The following SLC16A12 variants were observed in gnomAD, a reference collection of about 807,000 sequenced individuals.
The protein encoded by SLC16A12 is solute carrier family 16 member 12, also known as monocarboxylate transporter 12.
A neutral mutation model predicts 42.4 loss-of-function variants in SLC16A12; 17 were observed. The ratio of observed to expected loss-of-function variants is 0.40; its 90% CI spans 0.27 to 0.60. The LOEUF is 0.60. SLC16A12 is among the 20% of genes least tolerant of loss of function. The pLI is 0.42. For synonymous variants in SLC16A12, 224 were observed against 229.4 expected (o/e 0.98, Z 0.21); for missense variants, 544 against 623.0 (o/e 0.87, Z 1.35).
intron 4 of SLC16A12, among the ~76,000 whole-genome samples, chr10:89,441,501 T>C (rs545848256): frequency 7.9e-5 from 12 of 152,340 alleles, no homozygotes; most frequent in Admixed American, 1.3e-4. Flanking sequence ...TTCATTCTAT[T>C]ATAGTCATAA....
intron 2 of SLC16A12, among the ~76,000 whole-genome samples, chr10:89,520,152 CA>C (rs1364657046): frequency 6.6e-6 from 1 of 151,968 alleles, no homozygotes; most frequent in Admixed American, 6.6e-5. Context: ...GCATATTTCT[CA>C]AATAGCACTA....
intron 2 of SLC16A12, among the ~76,000 whole-genome samples, chr10:89,476,922 G>T (rs925195565): frequency 6.6e-6 from 1 of 152,202 alleles, no homozygotes; most frequent in Non-Finnish European, 1.5e-5. Context: ...CATTCCACAG[G>T]CCTGTAGAGA....
chr10:89,469,143 C>A (rs1268449044), intron 2 of SLC16A12, among the ~76,000 whole-genome samples: 1 of 152,148 alleles, frequency 6.6e-6, no homozygotes. Flanking sequence ...TCTTGCAACT[C>A]TTCATTTTAC....
At chr10:89,491,964 T>G (rs1055175162) in intron 2 of SLC16A12, among the ~76,000 whole-genome samples, 2 of 152,162 alleles carry the variant, frequency 1.3e-5, no homozygotes, top group Non-Finnish European at 2.9e-5. Context: ...TAAAAAAAAG[T>G]ATGCAAGTCA....
chr10:89,449,269 T>C (rs1163172641), intron 3 of SLC16A12, among the ~76,000 whole-genome samples: 1 of 152,180 alleles, frequency 6.6e-6, no homozygotes, highest in Non-Finnish European at 1.5e-5. Context: ...TTAAAGTTCA[T>C]ATGGAACCAA....
intron 2 of SLC16A12, among the ~76,000 whole-genome samples, chr10:89,546,314 C>CA (rs1843742496): frequency 1.3e-5 from 2 of 152,016 alleles, no homozygotes; most frequent in Non-Finnish European, 2.9e-5. Flanking sequence ...TAATATCCAG[C>CA]ATCTACAAGG....
intron 2 of SLC16A12, among the ~76,000 whole-genome samples, chr10:89,480,125 A>C (rs1008247759): frequency 6.6e-6 from 1 of 152,176 alleles, no homozygotes; most frequent in African/African-American, 2.4e-5. Flanking sequence ...CCCTCTCTCA[A>C]TAATTCCAGG....
intron 4 of SLC16A12, among the ~76,000 whole-genome samples, chr10:89,442,564 A>G (rs1841931094): frequency 6.6e-6 from 1 of 152,212 alleles, no homozygotes; most frequent in Admixed American, 6.5e-5. Context: ...AAATGCTGTG[A>G]CTAATAATGT....
At chr10:89,450,423 T>C (rs1589668649) in intron 3 of SLC16A12, among the ~76,000 whole-genome samples, 2 of 152,200 alleles carry the variant, frequency 1.3e-5, no homozygotes, top group Non-Finnish European at 2.9e-5. Flanking sequence ...TGGAATACTA[T>C]GCAGCCATAA....
At chr10:89,520,011 G>A (rs1052419812) in intron 2 of SLC16A12, among the ~76,000 whole-genome samples, 2 of 151,498 alleles carry the variant, frequency 1.3e-5, no homozygotes, top group Non-Finnish European at 2.9e-5. Flanking sequence ...TACTCGGGAG[G>A]CTGAGGCAAG....
chr10:89,475,321 C>T (rs1374860480), intron 2 of SLC16A12, among the ~76,000 whole-genome samples: 1 of 152,138 alleles, frequency 6.6e-6, no homozygotes, highest in African/African-American at 2.4e-5. Context: ...ATCCTAGGGG[C>T]AAACTCGAGT....
chr10:89,538,252 C>T (rs796829571), upstream of SLC16A12, among the ~76,000 whole-genome samples: 5 of 152,360 alleles, frequency 3.3e-5, no homozygotes, highest in African/African-American at 1.2e-4. Context: ...AGCAACATTT[C>T]TTCCAAATAG....
chr10:89,507,398 G>C (rs1843081148), intron 2 of SLC16A12, among the ~76,000 whole-genome samples: 1 of 152,230 alleles, frequency 6.6e-6, no homozygotes, highest in South Asian at 2.1e-4. Context: ...CTACAAGCCA[G>C]AAGGGAGTGG....
At chr10:89,445,098 GC>G (rs1564570586) in intron 3 of SLC16A12, among the ~76,000 whole-genome samples, 1 of 152,260 alleles carries the variant, frequency 6.6e-6, no homozygotes, top group African/African-American at 2.4e-5. Context: ...TGGCCAGGAA[GC>G]TCAAACTGGG....
chr10:89,549,113 TG>T (rs1021906298), intron 2 of SLC16A12, among the ~76,000 whole-genome samples: 2 of 152,242 alleles, frequency 1.3e-5, no homozygotes, highest in African/African-American at 4.8e-5. Flanking sequence ...CAGCTTTGTT[TG>T]GGGCTGATTT....
rs916889418 is a variant in SLC16A12, at chr10:89,431,166, T to G, written c.*1898A>C. On this transcript the variant is annotated 3_prime_UTR_variant, in exon 8 of 8. Transcript: ENST00000371790. Reference sequence around the variant, plus strand: ...GCGCCCGCCACCACGCCTGGCTAATTTTTTGCATTTTTAGTAGAGACGGAG... The same window carrying G: ...GCGCCCGCCACCACGCCTGGCTAATGTTTTGCATTTTTAGTAGAGACGGAG... 4.2e-5 allele frequency: 7 copies of G among 168,076 alleles called. No homozygotes were observed. The highest frequency in any genetic ancestry group is 3.8e-4 in the Admixed American group (6 of 15,994). 10.4% of individuals were successfully genotyped at this position (168,076 alleles called of 1,614,324 possible).
chr10:89,519,982 G>A (rs921803253), intron 2 of SLC16A12, among the ~76,000 whole-genome samples: 2 of 151,274 alleles, frequency 1.3e-5, no homozygotes, highest in East Asian at 1.9e-4. Context: ...ATGTGGTGGT[G>A]GGCGCCTGTA....
chr10:89,485,030 T>A (rs955473877), intron 2 of SLC16A12, among the ~76,000 whole-genome samples: 2 of 152,048 alleles, frequency 1.3e-5, no homozygotes, highest in Non-Finnish European at 1.5e-5. Flanking sequence ...AGCTGGGAGG[T>A]GCAGCACAAC....
intron 2 of SLC16A12, among the ~76,000 whole-genome samples, chr10:89,475,471 T>A (rs1482415106): frequency 1.3e-5 from 2 of 152,190 alleles, no homozygotes; most frequent in Non-Finnish European, 2.9e-5. Context: ...AACTGGAAAT[T>A]GATTTATTTA....
Sources: gnomAD v4.1 joint callset for allele counts (sites outside exome capture counted in the v4.1 genomes callset) on GRCh38, gnomAD v4.1.1 for gene constraint, MANE v1.5 for transcripts, NCBI Gene and HGNC (gene_info 2026-07-23, HGNC 2026-07-21) for gene names.